The following HLTF variants were observed in gnomAD, a reference collection of about 807,000 sequenced individuals.
HLTF encodes the protein DNA-dependent ATPase/E3 ubiquitin-protein ligase HLTF.
Under a neutral mutation model 129.4 loss-of-function variants are expected in HLTF, and 127 were observed. That is an observed-to-expected ratio of 0.98 (90% CI 0.85 to 1.14). The LOEUF (loss-of-function observed/expected upper bound fraction) is 1.14, where lower values mean the gene tolerates loss of function less well. Ranked by LOEUF, HLTF falls within the 50% of genes most tolerant of loss-of-function variation. The pLI, the probability that HLTF is intolerant of heterozygous loss-of-function variation, is 0.00. For missense variants in HLTF, 1,139 were observed against 1,187.1 expected, an observed-to-expected ratio of 0.96 and a Z score of 0.60; for synonymous variants, 332 against 388.8, an observed-to-expected ratio of 0.85 and a Z score of 1.72.
At chr3:149,072,967 A>G (rs1347523715) in intron 5 of HLTF, among the ~76,000 whole-genome samples, 24 of 152,234 alleles carry the variant, frequency 1.6e-4, no homozygotes, top group Admixed American at 1.6e-3. Flanking sequence ...ATACAAAAAT[A>G]TGCCGTGCAT....
At chr3:149,061,176 C>A (rs1028221943) in intron 10 of HLTF, among the ~76,000 whole-genome samples, 1 of 152,078 alleles carries the variant, frequency 6.6e-6, no homozygotes, top group African/African-American at 2.4e-5. Context: ...CTCAAGTGAT[C>A]ATCCCGCCTT....
intron 15 of HLTF, 75 bp from the exon 16 acceptor site, chr3:149,049,076 T>C (rs568883908): frequency 6.1e-6 from 6 of 976,334 alleles, no homozygotes; most frequent in Non-Finnish European, 7.8e-6. Flanking sequence ...GCTAACTAGT[T>C]GTTATCATTA....
intron 22 of HLTF, 136 bp downstream of exon 22, chr3:149,039,445 C>G (rs1485526453): frequency 1.2e-5 from 7 of 606,904 alleles, no homozygotes; most frequent in Admixed American, 3.6e-5. Context: ...GAAGTATTCT[C>G]TATTGTGACT....
intron 19 of HLTF, 137 bp from the exon 20 acceptor site, chr3:149,041,805 T>C: frequency 1.5e-6 from 1 of 659,320 alleles, no homozygotes; most frequent in South Asian, 2.0e-5. Context: ...AAGCATAATT[T>C]AAATTTGAAA....
In HLTF at chr3:149,071,429, T is replaced by C. The variant is rs750634432; in HGVS notation, c.717A>G (p.Pro239=). ...GAGCTTGTTTTTGATGTGGAAGCAG[T>C]GGTGTTTCAATAGCCTATAAATAAA... ...EMEPAEAIET[P]LLPHQKQALA... is the part of the protein sequence containing the mutation. The change falls in exon 7 of 25, where the codon CCA becomes CCG. Residue 239 remains proline, a synonymous_variant. Coordinates refer to ENST00000310053, the MANE Select transcript of HLTF (RefSeq NM_003071.4). The C allele has an allele frequency of 2.5e-6, 4 of 1,612,102 alleles. No homozygotes were observed. The highest frequency in any genetic ancestry group is 3.4e-5 in the Admixed American group (2 of 59,420).
At chr3:149,086,230 C>A in intron 1 of HLTF, 87 bp downstream of exon 1, 2 of 1,359,512 alleles carry the variant, frequency 1.5e-6, no homozygotes, top group Non-Finnish European at 2.1e-6. Flanking sequence ...GCCCAGGGAA[C>A]GCAGAGGAAC....
rs779466153 is a variant in HLTF, at chr3:149,048,888, T to C, written c.1731A>G (p.Glu577=). The C allele has an allele frequency of 6.2e-7, 1 of 1,613,548 alleles. No homozygotes were observed. The highest frequency in any genetic ancestry group is 8.5e-7 in the Non-Finnish European group (1 of 1,179,578). The stretch of plus-strand genomic sequence containing the variant: ...CTGTCAAAACCCATCTTCTTTCTGA[T>C]TCTAAGTCAAGTACAGCTTTTGTCT... The part of the protein sequence containing the change: ...AQQTKAVLDL[E]SERRWVLTGT... The change falls in exon 16 of 25, where the codon GAA becomes GAG. Residue 577 remains glutamate, a synonymous_variant. Transcript: ENST00000310053.
intron 3 of HLTF, among the ~76,000 whole-genome samples, 176 bp downstream of exon 3, chr3:149,075,705 T>C (rs1719286164): frequency 6.6e-6 from 1 of 151,964 alleles, no homozygotes; most frequent in Non-Finnish European, 1.5e-5. Flanking sequence ...AATTGTTTGA[T>C]GGCTGGGGTA....
intron 7 of HLTF, among the ~76,000 whole-genome samples, chr3:149,068,970 C>A (rs559614646): frequency 5.5e-4 from 83 of 152,204 alleles, no homozygotes; most frequent in African/African-American, 1.9e-3. Context: ...AGGAGCCCTT[C>A]ACGAAAATGC....
chr3:149,065,287 G>T (rs907775065), intron 8 of HLTF, among the ~76,000 whole-genome samples: 7 of 152,090 alleles, frequency 4.6e-5, no homozygotes, highest in African/African-American at 1.7e-4. Flanking sequence ...TCTAGAATTT[G>T]CAGGGCAAAT....
intron 18 of HLTF, among the ~76,000 whole-genome samples, chr3:149,045,668 A>T (rs1716490404): frequency 6.6e-6 from 1 of 152,082 alleles, no homozygotes; most frequent in African/African-American, 2.4e-5. Flanking sequence ...CTTGTCTCTT[A>T]TTCATTCTGT....
At position 149,073,338 on chromosome 3, in the gene HLTF, T is replaced by G. The variant is rs1250710642; in HGVS notation, c.530-16A>C. On this transcript the variant is annotated splice_polypyrimidine_tract_variant and intron_variant, in intron 4 of 24. Coordinates refer to ENST00000310053, the MANE Select transcript of HLTF (RefSeq NM_003071.4). The stretch of plus-strand genomic sequence containing the variant: ...AATCCTAAAGCTATAATTTACAAAA[T>G]AAAAAGAATAAAGCCATCAAATAAA... 1 of 1,518,356 alleles carries G rather than the reference T, an allele frequency of 6.6e-7. No homozygotes were observed. Among genetic ancestry groups the G allele is most frequent in the Non-Finnish European group, 9.1e-7 (1 of 1,101,138 alleles). 94.1% of individuals were successfully genotyped at this position (1,518,356 alleles called of 1,614,324 possible).
chr3:149,062,989 G>A (rs1217993183), intron 10 of HLTF: 7 of 453,294 alleles, frequency 1.5e-5, no homozygotes. Flanking sequence ...GATCTTGGTA[G>A]TTTCAAATAA....
At chr3:149,085,857 G>A (rs1720329788) in intron 1 of HLTF, among the ~76,000 whole-genome samples, 1 of 152,140 alleles carries the variant, frequency 6.6e-6, no homozygotes, top group Non-Finnish European at 1.5e-5. Context: ...AAGAACAGTC[G>A]CTTATTTGCG....
chr3:149,035,418 C>G (rs1682241375), intron 23 of HLTF, among the ~76,000 whole-genome samples: 1 of 151,882 alleles, frequency 6.6e-6, no homozygotes, highest in African/African-American at 2.4e-5. Flanking sequence ...GGTTTTCTTT[C>G]ACTTTCCTCT....
chr3:149,035,544 G>A (rs1715502199), intron 23 of HLTF, among the ~76,000 whole-genome samples: 1 of 150,960 alleles, frequency 6.6e-6, no homozygotes, highest in Admixed American at 6.6e-5. Context: ...TGTAGTCCCA[G>A]CTACTCAGGA....
intron 9 of HLTF, among the ~76,000 whole-genome samples, chr3:149,064,380 C>T (rs1299207210): frequency 6.6e-6 from 1 of 152,200 alleles, no homozygotes; most frequent in Non-Finnish European, 1.5e-5. Flanking sequence ...CCACAGATCT[C>T]TTTCCATTTC....
In HLTF at chr3:149,039,587, G is replaced by A. The variant is rs760096395; in HGVS notation, c.2609C>T (p.Pro870Leu). ...FTTFLSLIEIPLKASGFVFTR... is the reference protein window; with the variant it reads ...FTTFLSLIEILLKASGFVFTR... The stretch of plus-strand genomic sequence containing the variant: ...AAAACACTGTGGAACTTACTTAAGT[G>A]GTATTTCTATTAAAGACAGGAATGT... The change falls in exon 22 of 25, where the codon CCA becomes CTA. Residue 870 changes from proline (P) to leucine (L), a missense_variant. Transcript: ENST00000310053. 6.3e-6 allele frequency: 9 copies of A among 1,421,508 alleles called. No individual in the cohort carries two copies. In the South Asian group the frequency reaches 8.6e-5, roughly 14 times the overall value. The allele number at this position is 1,421,508 out of a possible 1,614,324, so 88.1% of individuals were successfully genotyped here. A position where few individuals can be genotyped will look rare whatever the true frequency, so the allele number is the denominator to read the frequency against.
rs781107362 is a variant in HLTF at position 149,060,708 on chromosome 3, A to G, written c.1241-21T>C. 3.1e-6 allele frequency: 5 copies of G among 1,612,452 alleles called. No homozygotes were observed. The East Asian group carries it at 1.1e-4, about 36-fold the overall frequency. ...TTTGCCTAAAAATAAAACAAAAATA[A>G]ACATAAAAATGGGCAAAACAGGACA... is the stretch of plus-strand genomic sequence containing the variant. On this transcript the variant is annotated intron_variant, in intron 11 of 24. Transcript: ENST00000310053.
Sources: gnomAD v4.1 joint callset for allele counts (sites outside exome capture counted in the v4.1 genomes callset) on GRCh38, gnomAD v4.1.1 for gene constraint, MANE v1.5 for transcripts, NCBI Gene and HGNC (gene_info 2026-07-23, HGNC 2026-07-21) for gene names.